Variants in ZNF738 observed in about 807,000 individuals in gnomAD.
The protein encoded by ZNF738 is zinc finger protein 738.
ZNF738 carries 10 observed loss-of-function variants against 9.2 expected under a neutral mutation model. The observed-to-expected ratio is 1.09, with a 90% CI of 0.67 to 1.85. ZNF738 has a LOEUF of 1.85. ZNF738 is among the 40% of genes most tolerant of loss of function. The probability of loss-of-function intolerance (pLI) is 0.00; values close to 1 mark genes in which losing one functional copy is unlikely to be tolerated. For missense variants in ZNF738, 346 were observed against 283.6 expected (o/e 1.22, Z -1.58); for synonymous variants, 113 against 94.5 (o/e 1.20, Z -1.14).
chr19:21,381,409 T>C (rs1414647768), intron 4 of ZNF738: 2 of 1,519,354 alleles, frequency 1.3e-6, no homozygotes, highest in East Asian at 4.5e-5. Context: ...CTTTTGTCTT[T>C]GTATATTCTA....
chr19:21,383,948 C>G lies in ZNF738; in HGVS notation c.*274C>G. On this transcript the variant is annotated 3_prime_UTR_variant, in exon 5 of 5. Transcript: ENST00000683779. ...AATGTGGCAAAGCTTTTAACTGTTA[C>G]TCCTACCTTACTGCACATAAGTTGA... 7.0e-7 allele frequency: 1 copy of G among 1,435,464 alleles called. No individual in the cohort carries two copies. 88.9% of individuals were successfully genotyped at this position (1,435,464 alleles called of 1,614,324 possible).
chr19:21,375,388 T>C (rs1286181958), intron 3 of ZNF738, 24 bp downstream of exon 3: 2 of 733,298 alleles, frequency 2.7e-6, no homozygotes, highest in African/African-American at 3.6e-5. Context: ...TAATACACAA[T>C]TCCTTATATA....
At chr19:21,381,151 AT>A (rs1325548897) in intron 4 of ZNF738, 1 of 935,300 alleles carries the variant, frequency 1.1e-6, no homozygotes, top group Non-Finnish European at 1.6e-6. Flanking sequence ...GAGTCACATG[AT>A]TTCTGCAGTG....
rs529972472 is a variant in ZNF738, at chr19:21,387,149, G to T, written c.*3475G>T. The T allele has an allele frequency of 6.5e-6, 1 of 153,780 alleles. No individual in the cohort carries two copies. Among genetic ancestry groups the T allele is most frequent in the East Asian group, 1.9e-4 (1 of 5,190 alleles). The allele number at this position is 153,780 out of a possible 1,614,324, so 9.5% of individuals were successfully genotyped here. On this transcript the variant is annotated 3_prime_UTR_variant, in exon 5 of 5. Transcript: ENST00000683779. ...CATATTGGTGAGAAATCCTAGAAAT[G>T]TGAAGAATGTGACAAAGTCTTTAAA... is the stretch of plus-strand genomic sequence containing the variant.
chr19:21,359,288 G>C (rs908037543), intron 1 of ZNF738, 145 bp downstream of exon 1: 9 of 761,412 alleles, frequency 1.2e-5, no homozygotes, highest in African/African-American at 5.1e-5. Context: ...GGCCTCAGTC[G>C]CCTTCAGCCA....
At chr19:21,381,137 G>A (rs144711657) in intron 4 of ZNF738, 96 of 836,572 alleles carry the variant, frequency 1.1e-4, no homozygotes, top group Non-Finnish European at 1.7e-4. Flanking sequence ...CATTAAGCAC[G>A]TGAGAGTCAC....
intron 1 of ZNF738, among the ~76,000 whole-genome samples, chr19:21,361,298 G>T (rs925541379): frequency 6.6e-6 from 1 of 151,232 alleles, no homozygotes; most frequent in African/African-American, 2.4e-5. Context: ...CAGCCACCAC[G>T]CCCGGCTAAT....
intron 1 of ZNF738, among the ~76,000 whole-genome samples, chr19:21,359,457 G>T (rs1035700006): frequency 4.6e-5 from 7 of 152,232 alleles, no homozygotes; most frequent in African/African-American, 1.7e-4. Context: ...GTCGTCAGGG[G>T]AGAATCCTGA....
At chr19:21,367,642 G>C (rs1973800405) in intron 2 of ZNF738, among the ~76,000 whole-genome samples, 1 of 152,160 alleles carries the variant, frequency 6.6e-6, no homozygotes, top group Non-Finnish European at 1.5e-5. Flanking sequence ...TACACAGACT[G>C]TCATACTGCC....
chr19:21,368,999 A>G (rs1220897845), intron 2 of ZNF738, among the ~76,000 whole-genome samples: 1 of 151,934 alleles, frequency 6.6e-6, no homozygotes, highest in Non-Finnish European at 1.5e-5. Flanking sequence ...CAGCCTCCCA[A>G]AGTGTTGGGA....
At chr19:21,370,902 CAA>C (rs1289755749) in intron 2 of ZNF738, among the ~76,000 whole-genome samples, 4 of 152,156 alleles carry the variant, frequency 2.6e-5, no homozygotes, top group Non-Finnish European at 4.4e-5. Context: ...TGAAAACCAA[CAA>C]AAGGCATTTT....
intron 1 of ZNF738, chr19:21,360,694 T>TC (rs1259521119): frequency 6.6e-6 from 1 of 152,278 alleles, no homozygotes; most frequent in Non-Finnish European, 1.5e-5. Context: ...CCTCAGGTGA[T>TC]CCGCCCGCAT....
In ZNF738 at chr19:21,375,906, G is replaced by C. The variant is rs533431941; in HGVS notation, c.261G>C (p.Leu87=). The change falls in exon 4 of 5, where the codon CTG becomes CTC. Residue 87 remains leucine (L), a synonymous_variant. Coordinates refer to ENST00000683779, the MANE Select transcript of ZNF738 (RefSeq NM_001355237.2). Reference sequence around the variant, plus strand: ...CTAAGCCAGATCTGATCACCTGTCTGGAGCAAGGAAAAGATCCCTGGAATA... The same window carrying C: ...CTAAGCCAGATCTGATCACCTGTCTCGAGCAAGGAAAAGATCCCTGGAATA... ...DVSKPDLITC[L]EQGKDPWNMK... is the part of the protein sequence containing the mutation. 1 of 796,928 alleles carries C rather than the reference G, an allele frequency of 1.3e-6. No individual in the cohort carries two copies. Among genetic ancestry groups the C allele is most frequent in the Non-Finnish European group, 2.3e-6 (1 of 435,320 alleles). The allele number at this position is 796,928 out of a possible 1,614,324, so 49.4% of individuals were successfully genotyped here.
In ZNF738 at chr19:21,384,247, A is replaced by G. The variant is rs371400606; in HGVS notation, c.*573A>G. On this transcript the variant is annotated 3_prime_UTR_variant, in exon 5 of 5. Transcript: ENST00000683779. ...AGAATTCATACTGGTGAGAAACCCT[A>G]CAAATGTGAAGAATGTGGCAAAGCC... 1 of 1,424,372 alleles carries G rather than the reference A, an allele frequency of 7.0e-7. No homozygotes were observed. Among genetic ancestry groups the G allele is most frequent in the Non-Finnish European group, 9.9e-7 (1 of 1,013,246 alleles). 88.2% of individuals were successfully genotyped at this position (1,424,372 alleles called of 1,614,324 possible).
intron 2 of ZNF738, among the ~76,000 whole-genome samples, chr19:21,373,821 G>A (rs566653262): frequency 4.5e-4 from 68 of 149,970 alleles, no homozygotes; most frequent in South Asian, 1.7e-3. Context: ...ATGAAGAGCT[G>A]TGTCCACTCT....
At chr19:21,372,767 TC>T (rs1973872805) in intron 2 of ZNF738, 1 of 152,152 alleles carries the variant, frequency 6.6e-6, no homozygotes, top group Non-Finnish European at 1.5e-5. Flanking sequence ...AATGTGTTAT[TC>T]CCAGCACAGT....
intron 2 of ZNF738, among the ~76,000 whole-genome samples, chr19:21,362,298 T>TA (rs1973711438): frequency 6.6e-6 from 1 of 151,054 alleles, no homozygotes; most frequent in Non-Finnish European, 1.5e-5. Context: ...AGAAAAAGAG[T>TA]AAAAAACAGT....
Position 21,373,541 on chromosome 19 carries a change from A to C in ZNF738, c.97-1697A>C, listed in dbSNP as rs866583473. ...AGGCACCTGAAGACAGAAATAGAGA[A>C]ACATATTTTTATATTCATTGAGCAG... On this transcript the variant is annotated intron_variant, in intron 2 of 4. Transcript: ENST00000683779. Among the ~76,000 whole-genome samples, 12 of 152,306 alleles carry C rather than the reference A, an allele frequency of 7.9e-5. No individual in the cohort carries two copies. In the South Asian group the frequency reaches 1.2e-3, roughly 16 times the overall value.
intron 2 of ZNF738, among the ~76,000 whole-genome samples, chr19:21,364,738 CTTTCTTT>C (rs1973752029): frequency 1.2e-5 from 1 of 86,162 alleles, no homozygotes; most frequent in African/African-American, 5.0e-5. Flanking sequence ...TTTTATGGTT[CTTTCTTT>C]TTTTTTTTTT....
Sources: allele counts gnomAD v4.1 joint callset (sites outside exome capture counted in the v4.1 genomes callset), GRCh38; gene constraint gnomAD v4.1.1; transcripts MANE v1.5; gene names NCBI Gene and HGNC (gene_info 2026-07-23, HGNC 2026-07-21).